The following GRAMD2A variants were observed in gnomAD, a reference collection of about 807,000 sequenced individuals.
The protein encoded by GRAMD2A is GRAM domain-containing protein 2A.
In GRAMD2A, 37 loss-of-function variants were observed where a neutral mutation model predicts 51.1. That is an observed-to-expected ratio of 0.72 (90% CI 0.56 to 0.95). The LOEUF (loss-of-function observed/expected upper bound fraction) is 0.95, where lower values mean the gene tolerates loss of function less well. GRAMD2A is among the 40% of genes least tolerant of loss of function. The pLI, the probability that GRAMD2A is intolerant of heterozygous loss-of-function variation, is 0.00. For synonymous variants in GRAMD2A, 136 were observed against 157.1 expected, an observed-to-expected ratio of 0.87 and a Z score of 1.01; for missense variants, 414 against 426.9, an observed-to-expected ratio of 0.97 and a Z score of 0.27.
chr15:72,164,417 T>A (rs1025768773), intron 8 of GRAMD2A, among the ~76,000 whole-genome samples: 14 of 151,650 alleles, frequency 9.2e-5, no homozygotes, highest in African/African-American at 3.4e-4. Flanking sequence ...TTTTATTTTT[T>A]TTTTTTTTGA....
intron 2 of GRAMD2A, chr15:72,169,578 T>C: frequency 1.5e-6 from 1 of 652,140 alleles, no homozygotes; most frequent in Non-Finnish European, 2.8e-6. Context: ...GAAAAAAAGG[T>C]AAACCTTTGC....
At chr15:72,189,333 A>G (rs2081753225) in intron 1 of GRAMD2A, among the ~76,000 whole-genome samples, 2 of 152,264 alleles carry the variant, frequency 1.3e-5, no homozygotes. Context: ...AAGACTAAAT[A>G]TAGGTCCACA....
chr15:72,190,127 A>G (rs936732306), intron 1 of GRAMD2A, among the ~76,000 whole-genome samples: 1 of 152,238 alleles, frequency 6.6e-6, no homozygotes, highest in African/African-American at 2.4e-5. Context: ...CTGTAATCCC[A>G]GCACTTTGGG....
chr15:72,191,801 G>GT (rs951506972), intron 1 of GRAMD2A, among the ~76,000 whole-genome samples: 6 of 152,054 alleles, frequency 3.9e-5, no homozygotes, highest in Non-Finnish European at 4.4e-5. Flanking sequence ...AACATAGCCT[G>GT]TTTTTTTCAA....
chr15:72,182,356 C>T (rs1247255665), intron 1 of GRAMD2A, among the ~76,000 whole-genome samples: 1 of 114,488 alleles, frequency 8.7e-6, no homozygotes, highest in African/African-American at 3.5e-5. Context: ...CAGAGTGAGA[C>T]TGTCTCAAAA....
rs2081481034 is a variant in GRAMD2A, at chr15:72,162,004, G to A, written c.*5C>T. Reference sequence around the variant, plus strand: ...GAAGGAATGGGGACAAAGGCCAAGTGGCTGTTACCTGCACACAGGAAAGAT... The same window carrying A: ...GAAGGAATGGGGACAAAGGCCAAGTAGCTGTTACCTGCACACAGGAAAGAT... On this transcript the variant is annotated 3_prime_UTR_variant, in exon 12 of 12. Transcript: ENST00000309731. 1.2e-6 allele frequency: 2 copies of A among 1,614,090 alleles called. No homozygotes were observed. The highest frequency in any genetic ancestry group is 2.7e-5 in the African/African-American group (2 of 75,042).
intron 11 of GRAMD2A, 95 bp downstream of exon 11, chr15:72,162,178 C>T: frequency 7.4e-7 from 1 of 1,346,788 alleles, no homozygotes; most frequent in Non-Finnish European, 1.1e-6. Flanking sequence ...CAGCTCAAAA[C>T]AGGACCAAGT....
intron 1 of GRAMD2A, among the ~76,000 whole-genome samples, chr15:72,181,595 C>A (rs190983511): frequency 2.4e-4 from 37 of 152,184 alleles, no homozygotes; most frequent in Non-Finnish European, 2.1e-4. Flanking sequence ...TATGTATTTC[C>A]AAATATAATC....
intron 4 of GRAMD2A, among the ~76,000 whole-genome samples, chr15:72,168,260 A>G (rs1181781502): frequency 2.0e-5 from 3 of 152,212 alleles, no homozygotes; most frequent in Non-Finnish European, 4.4e-5. Flanking sequence ...AGCAGGACAC[A>G]AGATTCCAAA....
chr15:72,193,658 G>A (rs2081784769), intron 1 of GRAMD2A, among the ~76,000 whole-genome samples: 2 of 152,028 alleles, frequency 1.3e-5, no homozygotes, highest in Non-Finnish European at 2.9e-5. Context: ...GAGTAGCTGG[G>A]ACTACAGGCG....
At chr15:72,187,193 C>G (rs988966309) in intron 1 of GRAMD2A, among the ~76,000 whole-genome samples, 1 of 147,336 alleles carries the variant, frequency 6.8e-6, no homozygotes, top group African/African-American at 2.5e-5. Context: ...AAAGTAGATA[C>G]AGATCAGTAT....
chr15:72,194,966 G>A (rs2081794314), intron 1 of GRAMD2A, among the ~76,000 whole-genome samples: 1 of 152,232 alleles, frequency 6.6e-6, no homozygotes, highest in Non-Finnish European at 1.5e-5. Flanking sequence ...GGGATTAGAG[G>A]TGTGAGCCGC....
intron 1 of GRAMD2A, among the ~76,000 whole-genome samples, chr15:72,183,319 A>G (rs560478361): frequency 6.6e-6 from 1 of 151,986 alleles, no homozygotes; most frequent in Non-Finnish European, 1.5e-5. Context: ...GATGGAGACC[A>G]GCCTGGCCAA....
Position 72,161,695 on chromosome 15 carries a change from C to A in GRAMD2A, c.*314G>T. 1 of 377,876 alleles carries A rather than the reference C, an allele frequency of 2.6e-6. No homozygotes were observed. The highest frequency in any genetic ancestry group is 5.0e-6 in the Non-Finnish European group (1 of 199,848). 23.4% of individuals were successfully genotyped at this position (377,876 alleles called of 1,614,324 possible). A position where few individuals can be genotyped will look rare whatever the true frequency, so the allele number is the denominator to read the frequency against. On this transcript the variant is annotated 3_prime_UTR_variant, in exon 12 of 12. Transcript: ENST00000309731. The stretch of plus-strand genomic sequence containing the variant: ...GTGTGCCAGAACTGTTTCCAAGGAC[C>A]CAGTTTGTTTGTTTGTTTGTTTTCT...
intron 1 of GRAMD2A, among the ~76,000 whole-genome samples, chr15:72,196,286 T>C (rs1221602079): frequency 6.6e-6 from 1 of 151,996 alleles, no homozygotes; most frequent in Non-Finnish European, 1.5e-5. Context: ...GAGGCTGAGG[T>C]GGGTGGATCA....
In GRAMD2A at chr15:72,166,148, G is replaced by T. The variant is rs1380207445; in HGVS notation, c.543+484C>A. 6.6e-6 allele frequency among the ~76,000 whole-genome samples: 1 copy of T among 152,144 alleles called. No homozygotes were observed. The highest frequency in any genetic ancestry group is 1.5e-5 in the Non-Finnish European group (1 of 68,034). ...CCTCCCAAAGTGCTGGGACCATACA[G>T]CCATTGTTTTTCACATTCAGTACAG... On this transcript the variant is annotated intron_variant, in intron 7 of 11. Transcript: ENST00000309731. This position sits in a 1 kb window ranked among gnomAD's most constrained non-coding sequence, Gnocchi z 4.1.
chr15:72,185,198 T>G (rs1286730656), intron 1 of GRAMD2A, among the ~76,000 whole-genome samples: 6 of 151,300 alleles, frequency 4.0e-5, no homozygotes, highest in African/African-American at 1.2e-4. Context: ...AGTTTTTTTT[T>G]TTTTTTTTTT....
At position 72,170,627 on chromosome 15, in the gene GRAMD2A, A is replaced by G. The variant is rs567708250; in HGVS notation, c.42-688T>C. 1.3e-5 allele frequency among the ~76,000 whole-genome samples: 2 copies of G among 152,252 alleles called. No homozygotes were observed. Among genetic ancestry groups the G allele is most frequent in the South Asian group, 2.1e-4 (1 of 4,814 alleles). On this transcript the variant is annotated intron_variant, in intron 1 of 11. Transcript: ENST00000309731. This position sits in a 1 kb window ranked among gnomAD's most constrained non-coding sequence, Gnocchi z 4.5. Reference sequence around the variant, plus strand: ...CTCCCTGGGCAGGTCGGGCTCTCCAATGGCCTTTGAGTTCCTGCCTCCACT... The same window carrying G: ...CTCCCTGGGCAGGTCGGGCTCTCCAGTGGCCTTTGAGTTCCTGCCTCCACT...
At chr15:72,191,069 T>C (rs2081764599) in intron 1 of GRAMD2A, among the ~76,000 whole-genome samples, 1 of 152,196 alleles carries the variant, frequency 6.6e-6, no homozygotes, top group African/African-American at 2.4e-5. Flanking sequence ...CCGAAATGAC[T>C]CATTGGCCAC....
Sources: gnomAD v4.1 joint callset for allele counts (sites outside exome capture counted in the v4.1 genomes callset) on GRCh38, gnomAD v4.1.1 for gene constraint, Gnocchi (gnomAD v3.1) non-coding constraint, MANE v1.5 for transcripts, NCBI Gene and HGNC (gene_info 2026-07-23, HGNC 2026-07-21) for gene names.